Variants in TM4SF18 observed in about 807,000 individuals in gnomAD.
TM4SF18 encodes transmembrane 4 L six family member 18, also known as transmembrane 4 L6 family member 18.
A neutral mutation model predicts 23.8 loss-of-function variants in TM4SF18; 22 were observed. The observed-to-expected ratio is 0.92, with a 90% confidence interval of 0.66 to 1.32. The LOEUF (loss-of-function observed/expected upper bound fraction) is 1.32. Ranked by LOEUF, TM4SF18 falls within the 40% of genes most tolerant of loss-of-function variation. The pLI, the probability that TM4SF18 is intolerant of heterozygous loss-of-function variation, is 0.00. For missense variants in TM4SF18, 255 were observed against 240.3 expected, an observed-to-expected ratio of 1.06 and a Z score of -0.41; for synonymous variants, 87 against 87.9, an observed-to-expected ratio of 0.99 and a Z score of 0.06.
intron 4 of TM4SF18, among the ~76,000 whole-genome samples, chr3:149,324,309 G>T (rs573397601): frequency 1.3e-5 from 2 of 152,250 alleles, no homozygotes; most frequent in South Asian, 4.1e-4. Context: ...TCCAGTATAA[G>T]CTGCATAAGC....
At chr3:149,332,699 TA>T (rs1250727952) in intron 2 of TM4SF18, among the ~76,000 whole-genome samples, 1 of 152,180 alleles carries the variant, frequency 6.6e-6, no homozygotes, top group Non-Finnish European at 1.5e-5. Flanking sequence ...TTTTTCACAT[TA>T]GAACACTGAG....
intron 2 of TM4SF18, among the ~76,000 whole-genome samples, 154 bp downstream of exon 2, chr3:149,333,052 C>A (rs1446089665): frequency 1.3e-5 from 2 of 152,140 alleles, no homozygotes; most frequent in Non-Finnish European, 2.9e-5. Flanking sequence ...CAAATGCCAG[C>A]AGATTACCTG....
chr3:149,326,934 G>GGTTTTGTTGTTGTTGCT (rs1553771773), intron 3 of TM4SF18, among the ~76,000 whole-genome samples: 7 of 151,960 alleles, frequency 4.6e-5, no homozygotes, highest in African/African-American at 1.7e-4. Context: ...AAGAAGCTGG[G>GGTTTTGTTGTTGTTGCT]GTTTTGTTGT....
intron 3 of TM4SF18, among the ~76,000 whole-genome samples, chr3:149,327,212 A>G (rs1259197830): frequency 6.6e-6 from 1 of 152,220 alleles, no homozygotes; most frequent in Non-Finnish European, 1.5e-5. Flanking sequence ...GGCCTCCCAA[A>G]GTGCTGGGAT....
At chr3:149,330,272 T>C in intron 3 of TM4SF18, 58 bp downstream of exon 3, 1 of 1,177,770 alleles carries the variant, frequency 8.5e-7, no homozygotes, top group South Asian at 1.3e-5. Flanking sequence ...TGTTTCTGAG[T>C]GAGAGGAAAG....
intron 3 of TM4SF18, among the ~76,000 whole-genome samples, chr3:149,325,850 C>CA (rs954491669): frequency 1.3e-5 from 2 of 152,066 alleles, no homozygotes; most frequent in African/African-American, 4.8e-5. Flanking sequence ...GTCAAATCTA[C>CA]AAAAAAGTTG....
intron 4 of TM4SF18, 24 bp from the exon 5 acceptor site, chr3:149,322,460 C>A: frequency 6.2e-7 from 1 of 1,600,502 alleles, no homozygotes; most frequent in Non-Finnish European, 8.5e-7. Context: ...ATGGCCAAAT[C>A]TACATACTGG....
intron 1 of TM4SF18, 41 bp downstream of exon 1, chr3:149,333,468 TTCTC>T (rs199549810): frequency 7.2e-6 from 3 of 416,720 alleles, no homozygotes; most frequent in Admixed American, 7.3e-5. Context: ...GACCTTTTTT[TTCTC>T]TCTCTCTCTC....
chr3:149,325,173 ATCC>A, intron 3 of TM4SF18, 151 bp from the exon 4 acceptor site: 2 of 667,752 alleles, frequency 3.0e-6, no homozygotes, highest in South Asian at 3.5e-5. Flanking sequence ...AAAAAAAGTA[ATCC>A]AAACCTATTT....
chr3:149,325,040 A>G lies in TM4SF18; in HGVS notation c.268-18T>C. 6.2e-7 allele frequency: 1 copy of G among 1,610,860 alleles called. No homozygotes were observed. The highest frequency in any genetic ancestry group is 1.3e-5 in the African/African-American group (1 of 74,848). ...AGCAGTGTCTAAATTAAAACATAGA[A>G]GCAGGTTAGTACCATAGAATGCGAC... On this transcript the variant is annotated intron_variant, in intron 3 of 5. Coordinates refer to ENST00000296059, the MANE Select transcript of TM4SF18 (RefSeq NM_138786.4).
chr3:149,329,586 G>C (rs1345185245), intron 3 of TM4SF18, among the ~76,000 whole-genome samples: 2 of 152,138 alleles, frequency 1.3e-5, no homozygotes, highest in Non-Finnish European at 2.9e-5. Context: ...TTAATTCACT[G>C]AGTAAATGTG....
At chr3:149,322,985 C>G (rs769416674) in intron 4 of TM4SF18, among the ~76,000 whole-genome samples, 15 of 150,482 alleles carry the variant, frequency 1.0e-4, no homozygotes, top group Non-Finnish European at 1.5e-4. Flanking sequence ...TCACTGCAAG[C>G]TCCGCCTCCC....
At chr3:149,330,924 C>G (rs530444101) in intron 2 of TM4SF18, among the ~76,000 whole-genome samples, 8 of 152,302 alleles carry the variant, frequency 5.3e-5, no homozygotes, top group African/African-American at 1.9e-4. Context: ...TTTCCCCATG[C>G]ATTCAAACCA....
chr3:149,323,521 C>A (rs934399619), intron 4 of TM4SF18, among the ~76,000 whole-genome samples: 2 of 152,146 alleles, frequency 1.3e-5, no homozygotes, highest in Admixed American at 1.3e-4. Flanking sequence ...TGGCTGGAGC[C>A]GCGGCAGAGA....
intron 4 of TM4SF18, among the ~76,000 whole-genome samples, chr3:149,322,905 C>CTTTTTTTTTTTTTTTTTTTTTTT (rs34338382): frequency 0.011 from 1,462 of 128,546 alleles, 80 homozygotes; most frequent in Middle Eastern, 0.021. Context: ...GGCCTCCAGA[C>CTTTTTTTTTTTTTTTTTTTTTTT]TTTTTTTTTT....
In TM4SF18 at chr3:149,333,361, C is replaced by T. The variant is rs1731133084; in HGVS notation, c.22G>A (p.Gly8Ser). The T allele has an allele frequency of 6.2e-7, 1 of 1,612,558 alleles. No homozygotes were observed. Among genetic ancestry groups the T allele is most frequent in the Non-Finnish European group, 8.5e-7 (1 of 1,179,268 alleles). ...GGAATCAGCAAACAACTTAGGCAGC[C>T]TCCACACTTCCGAGACCCCATTTTG... MGSRKCGGCLSCLLIPLA... is the reference protein window; with the variant it reads MGSRKCGSCLSCLLIPLA... The change falls in exon 2 of 6, where the codon GGC (glycine) becomes AGC (serine). Residue 8 changes from glycine to serine, a missense_variant. Physicochemically the swap from Gly to Ser is moderately conservative, Grantham distance 56. Coordinates refer to ENST00000296059, the MANE Select transcript of TM4SF18 (RefSeq NM_138786.4).
At chr3:149,330,494 T>C in intron 2 of TM4SF18, 75 bp from the exon 3 acceptor site, 1 of 974,324 alleles carries the variant, frequency 1.0e-6, no homozygotes, top group Non-Finnish European at 1.6e-6. Flanking sequence ...GAGGACAGCG[T>C]CTTCAAGCAT....
chr3:149,325,100 C>T, intron 3 of TM4SF18, 78 bp from the exon 4 acceptor site: 3 of 1,442,590 alleles, frequency 2.1e-6, no homozygotes, highest in Non-Finnish European at 2.9e-6. Flanking sequence ...CAGATAGCTA[C>T]ATTCCCCTAT....
chr3:149,320,369 G>A lies in TM4SF18; in HGVS notation c.*1109C>T, dbSNP rs1043866646. On this transcript the variant is annotated 3_prime_UTR_variant, in exon 6 of 6. Transcript: ENST00000296059. Reference sequence around the variant, plus strand: ...ACTGTCCCCGAGGAAGACATGGCATGTATAGGTGGAAAATTTGTAAGTGTT... The same window carrying A: ...ACTGTCCCCGAGGAAGACATGGCATATATAGGTGGAAAATTTGTAAGTGTT... The A allele has an allele frequency of 6.6e-6, 1 of 152,184 alleles. No homozygotes were observed. The highest frequency in any genetic ancestry group is 2.1e-4 in the South Asian group (1 of 4,832). 9.4% of individuals were successfully genotyped at this position (152,184 alleles called of 1,614,324 possible).
Sources: gnomAD v4.1 joint callset for allele counts (sites outside exome capture counted in the v4.1 genomes callset) on GRCh38, gnomAD v4.1.1 for gene constraint, MANE v1.5 for transcripts, NCBI Gene and HGNC (gene_info 2026-07-23, HGNC 2026-07-21) for gene names.